The following TACR1 variants were observed in gnomAD, a reference collection of about 807,000 sequenced individuals.
TACR1 encodes tachykinin receptor 1.
In TACR1, 25 loss-of-function variants were observed where a neutral mutation model predicts 35.8. The observed-to-expected ratio is 0.70, with a 90% confidence interval of 0.51 to 0.98. The LOEUF is 0.98. TACR1 is among the 50% of genes least tolerant of loss of function. The probability of loss-of-function intolerance (pLI) is 0.00; values close to 1 mark genes in which losing one functional copy is unlikely to be tolerated. For missense variants in TACR1, 478 were observed against 522.9 expected (o/e 0.91, Z 0.84); for synonymous variants, 195 against 206.7 (o/e 0.94, Z 0.48).
intron 1 of TACR1, among the ~76,000 whole-genome samples, chr2:75,168,834 A>G (rs1449510011): frequency 6.6e-6 from 1 of 152,188 alleles, no homozygotes; most frequent in Non-Finnish European, 1.5e-5. Flanking sequence ...CCTAGTTCCA[A>G]TGATGAAATG....
At chr2:75,184,556 T>C (rs372039096) in intron 1 of TACR1, among the ~76,000 whole-genome samples, 2 of 151,806 alleles carry the variant, frequency 1.3e-5, no homozygotes, top group Admixed American at 1.3e-4. Flanking sequence ...CATTAGAACT[T>C]CAACTGAATT....
At chr2:75,195,929 C>CTA (rs1181923414) in intron 1 of TACR1, among the ~76,000 whole-genome samples, 2 of 152,100 alleles carry the variant, frequency 1.3e-5, no homozygotes, top group Non-Finnish European at 2.9e-5. Context: ...TATATAGAAT[C>CTA]TAACCTCAAT....
At chr2:75,071,806 A>T (rs547100608) in intron 2 of TACR1, among the ~76,000 whole-genome samples, 1 of 152,306 alleles carries the variant, frequency 6.6e-6, no homozygotes, top group South Asian at 2.1e-4. Context: ...TGCCTGCTCC[A>T]TCAATGCTCC....
intron 1 of TACR1, among the ~76,000 whole-genome samples, chr2:75,181,393 A>G (rs1259634539): frequency 6.6e-6 from 1 of 152,220 alleles, no homozygotes; most frequent in African/African-American, 2.4e-5. Context: ...GGAAAAAAAA[A>G]TGACAAAGAA....
intron 2 of TACR1, among the ~76,000 whole-genome samples, chr2:75,097,580 G>T (rs1673448788): frequency 6.6e-6 from 1 of 152,156 alleles, no homozygotes; most frequent in African/African-American, 2.4e-5. Context: ...CATCACAGAA[G>T]AGTCATCACA....
chr2:75,169,994 GT>G (rs989805409), intron 1 of TACR1, among the ~76,000 whole-genome samples: 7 of 151,546 alleles, frequency 4.6e-5, no homozygotes, highest in Admixed American at 3.9e-4. Flanking sequence ...GATTTCTTTT[GT>G]TTTTTTCCTT....
chr2:75,198,414 G>T, intron 1 of TACR1, 132 bp downstream of exon 1: 1 of 1,035,358 alleles, frequency 9.7e-7, no homozygotes. Context: ...AAATGACTCA[G>T]TTGATCAGTA....
chr2:75,098,972 T>TGAG (rs1409641666), intron 2 of TACR1, among the ~76,000 whole-genome samples: 1 of 150,836 alleles, frequency 6.6e-6, no homozygotes, highest in Non-Finnish European at 1.5e-5. Flanking sequence ...GCAGGTGGAG[T>TGAG]GAGGGTTCTC....
At chr2:75,104,367 G>A (rs912126658) in intron 2 of TACR1, among the ~76,000 whole-genome samples, 36 of 151,998 alleles carry the variant, frequency 2.4e-4, no homozygotes, top group African/African-American at 7.7e-4. Flanking sequence ...AAATATATAT[G>A]CACCCAACTA....
chr2:75,106,274 T>A (rs144223150), intron 2 of TACR1, among the ~76,000 whole-genome samples: 14 of 152,186 alleles, frequency 9.2e-5, no homozygotes, highest in Admixed American at 9.2e-4. Flanking sequence ...GAGAGGGGCA[T>A]TGTTTTGCAT....
At chr2:75,058,832 A>T (rs1372129609) in intron 2 of TACR1, among the ~76,000 whole-genome samples, 1 of 152,202 alleles carries the variant, frequency 6.6e-6, no homozygotes, top group Non-Finnish European at 1.5e-5. Context: ...AGGTTTCCTT[A>T]TATCTCACTA....
chr2:75,115,750 CA>C (rs1266283628), intron 2 of TACR1, among the ~76,000 whole-genome samples: 1 of 151,356 alleles, frequency 6.6e-6, no homozygotes, highest in Admixed American at 6.6e-5. Flanking sequence ...GCTAAAAATA[CA>C]AAAAAATTAG....
intron 1 of TACR1, among the ~76,000 whole-genome samples, chr2:75,195,733 C>A (rs1675954956): frequency 6.6e-6 from 1 of 151,810 alleles, no homozygotes. Context: ...ATTATAATAG[C>A]AAAAATCTAG....
chr2:75,155,601 G>C (rs1349183145), intron 1 of TACR1, among the ~76,000 whole-genome samples: 1 of 152,218 alleles, frequency 6.6e-6, no homozygotes, highest in Non-Finnish European at 1.5e-5. Flanking sequence ...CTCAGATACA[G>C]ACAAACAAGG....
intron 1 of TACR1, among the ~76,000 whole-genome samples, chr2:75,148,707 C>A (rs1223004848): frequency 1.3e-5 from 2 of 152,102 alleles, no homozygotes; most frequent in Admixed American, 6.6e-5. Flanking sequence ...TTTTGCTGTG[C>A]AGAAGCTCTT....
chr2:75,162,725 C>G (rs1008590830), intron 1 of TACR1, among the ~76,000 whole-genome samples: 4 of 152,150 alleles, frequency 2.6e-5, no homozygotes, highest in African/African-American at 9.7e-5. Context: ...GAGAGACACT[C>G]AAGATTCCAC....
chr2:75,160,150 C>T (rs1193565015), intron 1 of TACR1, among the ~76,000 whole-genome samples: 1 of 151,754 alleles, frequency 6.6e-6, no homozygotes, highest in African/African-American at 2.4e-5. Context: ...TGTGGATAGC[C>T]AGGGGAACAA....
intron 2 of TACR1, among the ~76,000 whole-genome samples, chr2:75,064,662 G>A (rs2103803443): frequency 6.6e-6 from 1 of 152,364 alleles, no homozygotes; most frequent in Admixed American, 6.5e-5. Context: ...TGCAGGGATG[G>A]CTGCTCAATG....
intron 2 of TACR1, among the ~76,000 whole-genome samples, chr2:75,088,489 A>C (rs1673230681): frequency 6.6e-6 from 1 of 152,190 alleles, no homozygotes; most frequent in Admixed American, 6.5e-5. Context: ...ACTTGGTTTT[A>C]AGTAGCTAGA....
Sources: gnomAD v4.1 joint callset for allele counts (sites outside exome capture counted in the v4.1 genomes callset) on GRCh38, gnomAD v4.1.1 for gene constraint, MANE v1.5 for transcripts, NCBI Gene and HGNC (gene_info 2026-07-23, HGNC 2026-07-21) for gene names.